NBEA: variants seen among roughly 807,000 people sequenced by gnomAD.
NBEA encodes the protein lysosomal-trafficking regulator 2.
Under a neutral mutation model 343.4 loss-of-function variants are expected in NBEA, and 44 were observed. That is an observed-to-expected ratio of 0.13 (90% CI 0.10 to 0.16). NBEA has a LOEUF of 0.16. Among genes scored for constraint, NBEA ranks in the 10% least tolerant of loss-of-function variants. The pLI, the probability that NBEA is intolerant of heterozygous loss-of-function variation, is 1.00. For synonymous variants in NBEA, 1,175 were observed against 1,238.7 expected, an observed-to-expected ratio of 0.95 and a Z score of 1.08; for missense variants, 2,555 against 3,631.3, an observed-to-expected ratio of 0.70 and a Z score of 7.62.
intron 45 of NBEA, among the ~76,000 whole-genome samples, chr13:35,568,556 A>C (rs74044734): frequency 4.2e-4 from 64 of 152,276 alleles, no homozygotes; most frequent in African/African-American, 1.5e-3. Flanking sequence ...AAATAATAAG[A>C]TCAGTCCCCC....
At chr13:35,233,947 A>G (rs958937319) in intron 34 of NBEA, among the ~76,000 whole-genome samples, 4 of 152,154 alleles carry the variant, frequency 2.6e-5, no homozygotes, top group African/African-American at 9.7e-5. Context: ...GCAAAACCTT[A>G]CATAATAAGT....
At chr13:35,277,804 G>A (rs2034729484) in intron 34 of NBEA, among the ~76,000 whole-genome samples, 1 of 151,532 alleles carries the variant, frequency 6.6e-6, no homozygotes, top group African/African-American at 2.4e-5. Context: ...ATATGATTTA[G>A]AGTCGGTTAC....
chr13:35,040,555 A>G (rs1298887923), intron 1 of NBEA, among the ~76,000 whole-genome samples: 1 of 152,152 alleles, frequency 6.6e-6, no homozygotes, highest in Non-Finnish European at 1.5e-5. Context: ...GTCAAAAAAA[A>G]TGAATTTCAT....
intron 25 of NBEA, among the ~76,000 whole-genome samples, chr13:35,170,883 A>G (rs2070410353): frequency 6.6e-6 from 1 of 151,908 alleles, no homozygotes; most frequent in African/African-American, 2.4e-5. Context: ...ATTTTTATTA[A>G]TGGGAATGAA....
At chr13:35,396,688 G>C (rs902821469) in intron 38 of NBEA, among the ~76,000 whole-genome samples, 1 of 151,984 alleles carries the variant, frequency 6.6e-6, no homozygotes, top group African/African-American at 2.4e-5. Flanking sequence ...CCTCCAAAAT[G>C]ATTCTATTTT....
intron 10 of NBEA, among the ~76,000 whole-genome samples, chr13:35,098,090 T>C (rs761437050): frequency 2.0e-5 from 3 of 152,184 alleles, no homozygotes; most frequent in Non-Finnish European, 2.9e-5. Flanking sequence ...CAGTTTATTA[T>C]ATTTAATTTG....
chr13:35,612,334 G>A (rs1365295265), intron 48 of NBEA, among the ~76,000 whole-genome samples: 1 of 151,790 alleles, frequency 6.6e-6, no homozygotes, highest in East Asian at 1.9e-4. Flanking sequence ...GGGTTTCACC[G>A]TGTTAGCCAG....
At chr13:35,606,404 G>T in intron 47 of NBEA, 22 bp from the exon 48 acceptor site, 2 of 1,377,398 alleles carry the variant, frequency 1.5e-6, no homozygotes, top group South Asian at 1.9e-5. Flanking sequence ...GGTTTAATAT[G>T]CTTCATTTTT....
intron 30 of NBEA, among the ~76,000 whole-genome samples, chr13:35,194,226 T>A (rs2072414731): frequency 6.6e-6 from 1 of 152,040 alleles, no homozygotes; most frequent in East Asian, 1.9e-4. Flanking sequence ...GTTTTTAATT[T>A]TTTAGTATGT....
rs1164969506 is a variant in NBEA at position 35,581,896 on chromosome 13, A to G, written c.7036-2002A>G. 1.8e-3 allele frequency among the ~76,000 whole-genome samples: 195 copies of G among 106,120 alleles called. 1 individual carries two copies. Among genetic ancestry groups the G allele is most frequent in the Non-Finnish European group, 3.3e-3 (141 of 42,244 alleles). 69.6% of individuals were successfully genotyped at this position (106,120 alleles called of 152,430 possible). ...CTTAAAGTATAATTAAAAAAAAAAA[A>G]AAAGAAAAGAAAAAAAAAGAAAAAT... On this transcript the variant is annotated intron_variant, in intron 45 of 58. Transcript: ENST00000379939.
chr13:35,173,625 A>C (rs189732143), intron 27 of NBEA, 31 bp downstream of exon 27: 1 of 1,579,982 alleles, frequency 6.3e-7, no homozygotes, highest in African/African-American at 1.4e-5. Flanking sequence ...GGCCAAATAT[A>C]ATTTACCTGA....
At chr13:35,058,620 TA>T in intron 7 of NBEA, 96 bp from the exon 8 acceptor site, 1 of 904,910 alleles carries the variant, frequency 1.1e-6, no homozygotes, top group East Asian at 2.7e-5. Context: ...ATTATTGTTA[TA>T]TTTTAAAATA....
chr13:35,283,804 A>G (rs1192941507), intron 34 of NBEA, among the ~76,000 whole-genome samples: 2 of 152,190 alleles, frequency 1.3e-5, no homozygotes. Context: ...ATAATCTTAC[A>G]TGAAAGCTTT....
At chr13:35,574,295 A>T (rs1244961775) in intron 45 of NBEA, among the ~76,000 whole-genome samples, 2 of 18,578 alleles carry the variant, frequency 1.1e-4, no homozygotes, top group Admixed American at 1.1e-3. Context: ...GATATTCTTT[A>T]AAAAAAAAAA....
intron 34 of NBEA, among the ~76,000 whole-genome samples, chr13:35,271,446 T>G (rs1315678646): frequency 1.3e-5 from 2 of 152,168 alleles, no homozygotes; most frequent in African/African-American, 4.8e-5. Context: ...AGAATGCCTC[T>G]GCTCCTCCAA....
intron 35 of NBEA, among the ~76,000 whole-genome samples, chr13:35,302,975 A>C (rs1470813362): frequency 6.6e-6 from 1 of 152,174 alleles, no homozygotes; most frequent in African/African-American, 2.4e-5. Context: ...CATATTGAAA[A>C]ATTGGTATTT....
chr13:35,318,315 T>C (rs956880688), intron 36 of NBEA, among the ~76,000 whole-genome samples: 1 of 152,094 alleles, frequency 6.6e-6, no homozygotes, highest in African/African-American at 2.4e-5. Flanking sequence ...CTTGAAGGGG[T>C]GTTGAATTTT....
At chr13:35,209,736 T>C (rs2073639233) in intron 32 of NBEA, among the ~76,000 whole-genome samples, 2 of 152,126 alleles carry the variant, frequency 1.3e-5, no homozygotes, top group Non-Finnish European at 2.9e-5. Context: ...CTCTTTTTTG[T>C]GCTTTCTGTA....
intron 14 of NBEA, among the ~76,000 whole-genome samples, chr13:35,117,802 C>T (rs2066578627): frequency 6.6e-6 from 1 of 151,892 alleles, no homozygotes; most frequent in African/African-American, 2.4e-5. Context: ...ATAAGGCTTA[C>T]ATAATGTATT....
Sources: allele counts gnomAD v4.1 joint callset (sites outside exome capture counted in the v4.1 genomes callset), GRCh38; gene constraint gnomAD v4.1.1; transcripts MANE v1.5; gene names NCBI Gene and HGNC (gene_info 2026-07-23, HGNC 2026-07-21).